The following C7orf78 variants were observed in gnomAD, a reference collection of about 807,000 sequenced individuals.
C7orf78 encodes the protein putative uncharacterized protein C7orf78.
chr7:12,519,484 C>G, the C7orf78 span, among the ~76,000 whole-genome samples: 1 of 152,212 alleles, frequency 6.6e-6, no homozygotes, highest in Non-Finnish European at 1.5e-5. Flanking sequence ...TCAGACAGCT[C>G]TCAGACCCGC....
At chr7:12,512,761 T>G in the C7orf78 span, among the ~76,000 whole-genome samples, 1 of 152,202 alleles carries the variant, frequency 6.6e-6, no homozygotes, top group African/African-American at 2.4e-5. Context: ...TTAGTATTAG[T>G]TCTTTACATG....
chr7:12,490,003 T>C, the C7orf78 span, among the ~76,000 whole-genome samples: 14 of 152,206 alleles, frequency 9.2e-5, no homozygotes, highest in Non-Finnish European at 1.2e-4. Context: ...TTTTCCATAC[T>C]ATCACAATCT....
chr7:12,497,334 G>A, the C7orf78 span, among the ~76,000 whole-genome samples: 7 of 152,240 alleles, frequency 4.6e-5, no homozygotes, highest in African/African-American at 1.2e-4. Context: ...TCACTAGAGA[G>A]TGCCAGACAG....
chr7:12,520,003 C>T, the C7orf78 span, among the ~76,000 whole-genome samples: 8 of 152,342 alleles, frequency 5.3e-5, no homozygotes, highest in African/African-American at 1.4e-4. Context: ...TCCAGATGAA[C>T]ACCCACACTA....
At chr7:12,487,487 G>C in the C7orf78 span, among the ~76,000 whole-genome samples, 1 of 152,050 alleles carries the variant, frequency 6.6e-6, no homozygotes, top group South Asian at 2.1e-4. Context: ...TGTGACCAGG[G>C]TGTCTTTTTA....
At chr7:12,527,051 A>T in the C7orf78 span, among the ~76,000 whole-genome samples, 647 of 38,264 alleles carry the variant, frequency 0.017, 1 homozygote, top group Middle Eastern at 0.074. Flanking sequence ...GTCACTCACT[A>T]TGGTAGAAAA....
the C7orf78 span, among the ~76,000 whole-genome samples, chr7:12,488,707 G>T: frequency 6.6e-6 from 1 of 151,932 alleles, no homozygotes; most frequent in African/African-American, 2.4e-5. Flanking sequence ...ATTCAATGAG[G>T]ATAAATTATA....
At chr7:12,491,282 T>G in the C7orf78 span, 2 of 152,200 alleles carry the variant, frequency 1.3e-5, no homozygotes, top group Non-Finnish European at 1.5e-5. Flanking sequence ...CAGATGGTGT[T>G]AATGGTACAA....
At chr7:12,505,960 T>C in the C7orf78 span, 2 of 152,304 alleles carry the variant, frequency 1.3e-5, no homozygotes, top group Admixed American at 6.5e-5. Flanking sequence ...TAAGGTATCA[T>C]AGAGAAGTGA....
chr7:12,512,604 G>T, the C7orf78 span, among the ~76,000 whole-genome samples: 1 of 152,140 alleles, frequency 6.6e-6, no homozygotes, highest in Non-Finnish European at 1.5e-5. Flanking sequence ...TTTTGTTGCA[G>T]ATTTTTGCAC....
chr7:12,484,580 G>A, the C7orf78 span, among the ~76,000 whole-genome samples: 1 of 152,074 alleles, frequency 6.6e-6, no homozygotes, highest in Non-Finnish European at 1.5e-5. Context: ...CAATTTGTAT[G>A]TATAATGTAT....
At chr7:12,489,929 G>GA in the C7orf78 span, among the ~76,000 whole-genome samples, 1 of 152,050 alleles carries the variant, frequency 6.6e-6, no homozygotes, top group African/African-American at 2.4e-5. Flanking sequence ...ACCCTGAGGG[G>GA]ATCTCTAAAA....
chr7:12,526,975 G>T, the C7orf78 span, among the ~76,000 whole-genome samples: 2 of 150,664 alleles, frequency 1.3e-5, no homozygotes, highest in Non-Finnish European at 3.0e-5. Flanking sequence ...ACTCACTTTG[G>T]TAGAAAATGC....
the C7orf78 span, chr7:12,528,770 G>T: frequency 5.1e-6 from 2 of 393,422 alleles, no homozygotes; most frequent in Non-Finnish European, 9.0e-6. Flanking sequence ...GTTTTGTTTA[G>T]ATTTACATCT....
At chr7:12,529,017 A>G in the C7orf78 span, 33 of 398,408 alleles carry the variant, frequency 8.3e-5, no homozygotes, top group East Asian at 1.2e-3. Context: ...CGAAAGCCCC[A>G]TGGCCTGTTA....
chr7:12,533,050 C>T, the C7orf78 span, among the ~76,000 whole-genome samples: 1 of 152,228 alleles, frequency 6.6e-6, no homozygotes, highest in African/African-American at 2.4e-5. Flanking sequence ...GCAAACATCC[C>T]GCTGTACATA....
At chr7:12,490,045 T>C in the C7orf78 span, among the ~76,000 whole-genome samples, 8 of 152,288 alleles carry the variant, frequency 5.3e-5, no homozygotes, top group Non-Finnish European at 1.2e-4. Context: ...AATATTTCTA[T>C]ATAGAATGGT....
the C7orf78 span, among the ~76,000 whole-genome samples, chr7:12,511,816 A>C: frequency 6.6e-6 from 1 of 150,584 alleles, no homozygotes; most frequent in East Asian, 1.9e-4. Flanking sequence ...CAGTGGCACG[A>C]TCTCAGCTCA....
chr7:12,507,032 G>C, the C7orf78 span: 24 of 427,362 alleles, frequency 5.6e-5, no homozygotes, highest in African/African-American at 3.7e-4. Flanking sequence ...GGCCGGGCGC[G>C]GTGTCACCCT....
Sources: gnomAD v4.1 joint callset for allele counts (sites outside exome capture counted in the v4.1 genomes callset) on GRCh38, gnomAD v4.1.1 for gene constraint, MANE v1.5 for transcripts, NCBI Gene and HGNC (gene_info 2026-07-23, HGNC 2026-07-21) for gene names.